The following IGSF11 variants were observed in gnomAD, a reference collection of about 807,000 sequenced individuals.
The protein encoded by IGSF11 is CXADR like 1.
IGSF11 carries 22 observed loss-of-function variants against 41.0 expected under a neutral mutation model. The ratio of observed to expected loss-of-function variants is 0.54; its 90% CI spans 0.38 to 0.77. IGSF11 has a LOEUF of 0.77. Among genes scored for constraint, IGSF11 ranks in the 30% least tolerant of loss-of-function variants. The pLI is 0.00. For missense variants in IGSF11, 444 were observed against 530.8 expected (o/e 0.84, Z 1.61); for synonymous variants, 219 against 201.3 (o/e 1.09, Z -0.74).
At chr3:119,141,665 T>A (rs1160220858) in intron 1 of IGSF11, among the ~76,000 whole-genome samples, 2 of 149,074 alleles carry the variant, frequency 1.3e-5, no homozygotes, top group African/African-American at 4.9e-5. Flanking sequence ...CTAATATCTA[T>A]ATATCTAATA....
In IGSF11 at chr3:118,975,240, T is replaced by G. The variant is rs930506515; in HGVS notation, c.53-44965A>C. 3.3e-5 allele frequency among the ~76,000 whole-genome samples: 5 copies of G among 152,312 alleles called. 1 individual carries two copies. The highest frequency in any genetic ancestry group is 1.9e-4 in the East Asian group (1 of 5,194). ...TTTTGTTCACAAAGCCAAATATATG[T>G]TTTTTAAAATGTTATCCCACCACTT... On this transcript the variant is annotated intron_variant, in intron 1 of 6. Transcript: ENST00000393775.
chr3:119,004,188 T>C (rs1362757429), intron 1 of IGSF11, among the ~76,000 whole-genome samples: 3 of 149,698 alleles, frequency 2.0e-5, no homozygotes, highest in South Asian at 2.2e-4. Flanking sequence ...TGGTTTAGTC[T>C]TGGGAGAGTG....
At chr3:118,939,692 G>A (rs1009956119) in intron 1 of IGSF11, among the ~76,000 whole-genome samples, 1 of 152,060 alleles carries the variant, frequency 6.6e-6, no homozygotes, top group African/African-American at 2.4e-5. Context: ...AATTTATGGG[G>A]AAGCAACCAA....
intron 1 of IGSF11, among the ~76,000 whole-genome samples, chr3:118,958,167 T>C (rs114342056): frequency 0.026 from 3,989 of 152,298 alleles, 144 homozygotes; most frequent in African/African-American, 0.091. Context: ...GTATAGTATT[T>C]CAGAGGAGGT....
intron 1 of IGSF11, among the ~76,000 whole-genome samples, chr3:118,938,284 CT>C (rs1378531534): frequency 6.6e-6 from 1 of 152,136 alleles, no homozygotes; most frequent in East Asian, 1.9e-4. Context: ...TAGGAATCCC[CT>C]TTTGGGGGGC....
intron 4 of IGSF11, among the ~76,000 whole-genome samples, chr3:118,921,122 A>G (rs1941737542): frequency 6.6e-6 from 1 of 152,138 alleles, no homozygotes; most frequent in African/African-American, 2.4e-5. Context: ...CTCATCCCCT[A>G]ACTAATCTGT....
Position 118,988,463 on chromosome 3 carries a change from T to C in IGSF11, c.52+46068A>G, listed in dbSNP as rs755327122. Among the ~76,000 whole-genome samples, 10 of 152,276 alleles carry C rather than the reference T, an allele frequency of 6.6e-5. 1 individual carries two copies. The highest frequency in any genetic ancestry group is 1.9e-4 in the East Asian group (1 of 5,180). On this transcript the variant is annotated intron_variant, in intron 1 of 6. Transcript: ENST00000393775. ...CTCAGGTTTCCAGCGCTTTCCACCATAGCAGAACACTTTTCCAAAATCACA... is the reference window on the plus strand; with the variant it reads ...CTCAGGTTTCCAGCGCTTTCCACCACAGCAGAACACTTTTCCAAAATCACA...
chr3:119,113,706 C>T (rs2077216973), intron 1 of IGSF11, among the ~76,000 whole-genome samples: 2 of 152,182 alleles, frequency 1.3e-5, no homozygotes, highest in South Asian at 4.1e-4. Context: ...AGGATGGTGA[C>T]CCTCTTCTCA....
At chr3:119,113,873 A>G (rs1249427848) in intron 1 of IGSF11, among the ~76,000 whole-genome samples, 1 of 152,260 alleles carries the variant, frequency 6.6e-6, no homozygotes, top group African/African-American at 2.4e-5. Flanking sequence ...GTCCTCTGAA[A>G]TCTAAGCGGA....
rs1352417914 is a variant in IGSF11 at position 118,901,937 on chromosome 3, A to G, written c.*583T>C. The G allele has an allele frequency of 6.6e-6, 1 of 152,252 alleles. No individual in the cohort carries two copies. Among genetic ancestry groups the G allele is most frequent in the Non-Finnish European group, 1.5e-5 (1 of 68,102 alleles). The allele number at this position is 152,252 out of a possible 1,614,324, so 9.4% of individuals were successfully genotyped here. A position where few individuals can be genotyped will look rare whatever the true frequency, so the allele number is the denominator to read the frequency against. ...AAATAAATATGAAGGGGCTTCTCAA[A>G]GACGTTTCCTTTGTCTTCCCCCATT... On this transcript the variant is annotated 3_prime_UTR_variant, in exon 7 of 7. Coordinates refer to ENST00000393775, the MANE Select transcript of IGSF11 (RefSeq NM_001015887.3).
rs571057502 is a variant in IGSF11, at chr3:119,140,739, T to G, written c.-14+5074A>C. 5.9e-5 allele frequency among the ~76,000 whole-genome samples: 9 copies of G among 152,182 alleles called. No individual in the cohort carries two copies. In the East Asian group the frequency reaches 1.5e-3, roughly 26 times the overall value. On this transcript the variant is annotated intron_variant, in intron 1 of 7. Transcript: ENST00000425327. ...TACCATAAAACAAGCCTCAGTAAAT[T>G]TTAAAAGATTAAAATCATACAAGGC...
chr3:119,096,479 G>A (rs1027390365), intron 1 of IGSF11, among the ~76,000 whole-genome samples: 58 of 151,986 alleles, frequency 3.8e-4, no homozygotes, highest in Admixed American at 2.2e-3. Context: ...CAGAAATGCC[G>A]AGGAATCTTC....
At chr3:119,053,328 A>C (rs1370662036) in intron 1 of IGSF11, among the ~76,000 whole-genome samples, 1 of 152,188 alleles carries the variant, frequency 6.6e-6, no homozygotes, top group African/African-American at 2.4e-5. Flanking sequence ...AGAATATAAA[A>C]TCAATGTACA....
chr3:119,097,461 C>T (rs1355412549), intron 1 of IGSF11, among the ~76,000 whole-genome samples: 1 of 148,022 alleles, frequency 6.8e-6, no homozygotes, highest in Non-Finnish European at 1.5e-5. Flanking sequence ...GCACACATTT[C>T]ACTACTCCTC....
intron 1 of IGSF11, among the ~76,000 whole-genome samples, chr3:119,122,075 C>T (rs1025201249): frequency 1.3e-5 from 2 of 152,176 alleles, no homozygotes; most frequent in East Asian, 1.9e-4. Context: ...CAAAAAAGTA[C>T]ATTCATAAAA....
chr3:118,977,795 G>A (rs1420548532), intron 1 of IGSF11, among the ~76,000 whole-genome samples: 2 of 152,108 alleles, frequency 1.3e-5, no homozygotes, highest in Non-Finnish European at 2.9e-5. Context: ...GTTCCAGACC[G>A]GGAGCTCACA....
intron 1 of IGSF11, among the ~76,000 whole-genome samples, chr3:118,959,430 G>C (rs1945180892): frequency 6.6e-6 from 1 of 152,156 alleles, no homozygotes; most frequent in South Asian, 2.1e-4. Context: ...CCATACTCTA[G>C]ACAAACGAAA....
chr3:119,106,887 T>A (rs1420489388), upstream of IGSF11, among the ~76,000 whole-genome samples: 2 of 152,192 alleles, frequency 1.3e-5, no homozygotes, highest in African/African-American at 4.8e-5. Flanking sequence ...GATTTCCAAT[T>A]TCATCCATGT....
chr3:119,103,905 C>A lies in IGSF11; in HGVS notation c.49+1239G>T, dbSNP rs146841927. Among the ~76,000 whole-genome samples, 293 of 152,258 alleles carry A rather than the reference C, an allele frequency of 1.9e-3. 1 individual carries two copies. The highest frequency in any genetic ancestry group is 6.5e-3 in the Admixed American group (100 of 15,280). On this transcript the variant is annotated intron_variant, in intron 1 of 6. Transcript: ENST00000354673. ...GCAAGCAGCACCTAACTGTATCTGC[C>A]AATACTCCTCTTCACCCATAACTGC... is the stretch of plus-strand genomic sequence containing the variant.
Sources: allele counts gnomAD v4.1 joint callset (sites outside exome capture counted in the v4.1 genomes callset), GRCh38; gene constraint gnomAD v4.1.1; transcripts MANE v1.5; gene names NCBI Gene and HGNC (gene_info 2026-07-23, HGNC 2026-07-21).